Variants in RTL10 observed in about 807,000 individuals in gnomAD.
The protein encoded by RTL10 is retrotransposon Gag like 10.
For synonymous variants in RTL10, 199 were observed against 188.4 expected, an observed-to-expected ratio of 1.06 and a Z score of -0.46; for missense variants, 477 against 470.7, an observed-to-expected ratio of 1.01 and a Z score of -0.12.
chr22:19,850,306 CCT>C lies in RTL10; in HGVS notation c.*859_*860del. 1.0e-6 allele frequency: 1 copy of C among 982,068 alleles called. No homozygotes were observed. The highest frequency in any genetic ancestry group is 1.2e-6 in the Non-Finnish European group (1 of 826,774). 60.8% of individuals were successfully genotyped at this position (982,068 alleles called of 1,614,324 possible). A position where few individuals can be genotyped will look rare whatever the true frequency, so the allele number is the denominator to read the frequency against. ...CCACAGAGCTGACTAAGACAGAGCC[CCT>C]GTGCTGAGGGTCACAGTCTGCCAGG... On this transcript the variant is annotated 3_prime_UTR_variant, in exon 3 of 3. Transcript: ENST00000328554.
Position 19,849,366 on chromosome 22 carries a change from T to G in RTL10, c.*1801A>C. Reference sequence around the variant, plus strand: ...ATTTTTCTAAATAAGGTTTTTGTTTTTTGTTGTTTTTTTTTTTTTGGGATG... The same window carrying G: ...ATTTTTCTAAATAAGGTTTTTGTTTGTTGTTGTTTTTTTTTTTTTGGGATG... On this transcript the variant is annotated 3_prime_UTR_variant, in exon 3 of 3. Transcript: ENST00000328554. The G allele has an allele frequency of 1.1e-6, 1 of 923,654 alleles. No homozygotes were observed. The highest frequency in any genetic ancestry group is 1.3e-6 in the Non-Finnish European group (1 of 777,608). 57.2% of individuals were successfully genotyped at this position (923,654 alleles called of 1,614,324 possible).
At position 19,847,735 on chromosome 22, in the gene RTL10, A is replaced by C. The variant is rs1197756215; in HGVS notation, c.*3432T>G. On this transcript the variant is annotated 3_prime_UTR_variant, in exon 3 of 3. Coordinates refer to ENST00000328554, the MANE Select transcript of RTL10 (RefSeq NM_024627.6). The stretch of plus-strand genomic sequence containing the variant: ...ATTGTGTATTCCCACCAACAGTATG[A>C]GAAGGTCCACTTCTCCATACCTCCA... 1 of 980,518 alleles carries C rather than the reference A, an allele frequency of 1.0e-6. No individual in the cohort carries two copies. The highest frequency in any genetic ancestry group is 4.7e-5 in the South Asian group (1 of 21,142). 60.7% of individuals were successfully genotyped at this position (980,518 alleles called of 1,614,324 possible).
chr22:19,847,316 G>A lies in RTL10; in HGVS notation c.*3851C>T, dbSNP rs1419579885. On this transcript the variant is annotated 3_prime_UTR_variant, in exon 3 of 3. Transcript: ENST00000328554. ...GTTACTGCAGCACAATCTGGCTCAT[G>A]CTGACTGATCCTGCAGGGTAACAGC... 10 of 985,194 alleles carry A rather than the reference G, an allele frequency of 1.0e-5. No homozygotes were observed. Among genetic ancestry groups the A allele is most frequent in the Non-Finnish European group, 1.2e-5 (10 of 829,798 alleles). The allele number at this position is 985,194 out of a possible 1,614,324, so 61.0% of individuals were successfully genotyped here.
chr22:19,849,765 C>T lies in RTL10; in HGVS notation c.*1402G>A, dbSNP rs2145904807. The T allele has an allele frequency of 1.0e-6, 1 of 985,378 alleles. No individual in the cohort carries two copies. Among genetic ancestry groups the T allele is most frequent in the South Asian group, 4.7e-5 (1 of 21,286 alleles). The allele number at this position is 985,378 out of a possible 1,614,324, so 61.0% of individuals were successfully genotyped here. A position where few individuals can be genotyped will look rare whatever the true frequency, so the allele number is the denominator to read the frequency against. Reference sequence around the variant, plus strand: ...CATTTCTGCTTTTTCTTCCTACTTTCCAGGAAGGTGTTGTTTTGTTGTTTT... The same window carrying T: ...CATTTCTGCTTTTTCTTCCTACTTTTCAGGAAGGTGTTGTTTTGTTGTTTT... On this transcript the variant is annotated 3_prime_UTR_variant, in exon 3 of 3. Coordinates refer to ENST00000328554, the MANE Select transcript of RTL10 (RefSeq NM_024627.6).
rs34331843 is a variant in RTL10 at position 19,847,804 on chromosome 22, CAAA to C, written c.*3360_*3362del. On this transcript the variant is annotated 3_prime_UTR_variant, in exon 3 of 3. Coordinates refer to ENST00000328554, the MANE Select transcript of RTL10 (RefSeq NM_024627.6). The stretch of plus-strand genomic sequence containing the variant: ...ACTTTTAAAATCCTGGAATCATAGG[CAAA>C]AAAAAAAAAAAAAAAAAATTCACCC... The C allele has an allele frequency of 8.8e-3, 5,307 of 601,766 alleles. No individual in the cohort carries two copies. The highest frequency in any genetic ancestry group is 9.4e-3 in the Non-Finnish European group (4,815 of 510,150). The allele number at this position is 601,766 out of a possible 1,614,324, so 37.3% of individuals were successfully genotyped here. A position where few individuals can be genotyped will look rare whatever the true frequency, so the allele number is the denominator to read the frequency against.
At chr22:19,853,230 C>G (rs566830169) in intron 2 of RTL10, among the ~76,000 whole-genome samples, 23 of 151,822 alleles carry the variant, frequency 1.5e-4, no homozygotes, top group African/African-American at 5.6e-4. Context: ...TCCCAGCCCC[C>G]ACCATTGTAA....
chr22:19,848,387 A>G lies in RTL10; in HGVS notation c.*2780T>C, dbSNP rs1400766394. The G allele has an allele frequency of 2.0e-6, 2 of 985,310 alleles. No individual in the cohort carries two copies. The highest frequency in any genetic ancestry group is 1.2e-4 in the Admixed American group (2 of 16,254). The allele number at this position is 985,310 out of a possible 1,614,324, so 61.0% of individuals were successfully genotyped here. A position where few individuals can be genotyped will look rare whatever the true frequency, so the allele number is the denominator to read the frequency against. On this transcript the variant is annotated 3_prime_UTR_variant, in exon 3 of 3. Transcript: ENST00000328554. ...GGGGGCCAGAAGAGAAAAACAACCC[A>G]GGGGGAATGCCTCCTTCCCCCAGCA...
chr22:19,848,519 A>G lies in RTL10; in HGVS notation c.*2648T>C. On this transcript the variant is annotated 3_prime_UTR_variant, in exon 3 of 3. Transcript: ENST00000328554. ...CACTGCCTGTCTGGAAGGCCATGCCAGAGTCCATCGTTGCCTCCACCCTAC... is the reference window on the plus strand; with the variant it reads ...CACTGCCTGTCTGGAAGGCCATGCCGGAGTCCATCGTTGCCTCCACCCTAC... The G allele has an allele frequency of 1.0e-6, 1 of 985,532 alleles. No homozygotes were observed. The highest frequency in any genetic ancestry group is 1.7e-5 in the African/African-American group (1 of 57,380). The allele number at this position is 985,532 out of a possible 1,614,324, so 61.0% of individuals were successfully genotyped here.
At chr22:19,852,950 T>C (rs1323260833) in intron 2 of RTL10, among the ~76,000 whole-genome samples, 1 of 152,114 alleles carries the variant, frequency 6.6e-6, no homozygotes, top group Non-Finnish European at 1.5e-5. Flanking sequence ...TAAACTACAT[T>C]TGTCTGCTGA....
chr22:19,850,573 G>A lies in RTL10; in HGVS notation c.*594C>T, dbSNP rs183411752. The A allele has an allele frequency of 8.7e-7, 1 of 1,150,378 alleles. No homozygotes were observed. The highest frequency in any genetic ancestry group is 4.8e-5 in the Admixed American group (1 of 21,034). The allele number at this position is 1,150,378 out of a possible 1,614,324, so 71.3% of individuals were successfully genotyped here. A position where few individuals can be genotyped will look rare whatever the true frequency, so the allele number is the denominator to read the frequency against. On this transcript the variant is annotated 3_prime_UTR_variant, in exon 3 of 3. Coordinates refer to ENST00000328554, the MANE Select transcript of RTL10 (RefSeq NM_024627.6). The stretch of plus-strand genomic sequence containing the variant: ...ACCTTCCAGCTGCCCAGAACTGCTG[G>A]TAATCCCACAGGAAACATCATTCTT...
chr22:19,852,872 T>C (rs1001336689), intron 2 of RTL10, among the ~76,000 whole-genome samples: 6 of 152,058 alleles, frequency 3.9e-5, no homozygotes, highest in African/African-American at 1.5e-4. Flanking sequence ...CACTAACCCA[T>C]AAGTGGTGGA....
At position 19,846,590 on chromosome 22, in the gene RTL10, T is replaced by A. The variant is rs1569055912; in HGVS notation, c.*4577A>T. The A allele has an allele frequency of 1.0e-6, 1 of 981,768 alleles. No homozygotes were observed. Among genetic ancestry groups the A allele is most frequent in the South Asian group, 4.7e-5 (1 of 21,224 alleles). The allele number at this position is 981,768 out of a possible 1,614,324, so 60.8% of individuals were successfully genotyped here. On this transcript the variant is annotated 3_prime_UTR_variant, in exon 3 of 3. Transcript: ENST00000328554. ...GGGCACCGCTGTGGGCAGAACTATGTCCCTTCAATATTTTTATGTTCAAGT... is the reference window on the plus strand; with the variant it reads ...GGGCACCGCTGTGGGCAGAACTATGACCCTTCAATATTTTTATGTTCAAGT...
chr22:19,848,661 A>G lies in RTL10; in HGVS notation c.*2506T>C, dbSNP rs915163292. 1.0e-6 allele frequency: 1 copy of G among 985,378 alleles called. No individual in the cohort carries two copies. Among genetic ancestry groups the G allele is most frequent in the Non-Finnish European group, 1.2e-6 (1 of 829,996 alleles). 61.0% of individuals were successfully genotyped at this position (985,378 alleles called of 1,614,324 possible). On this transcript the variant is annotated 3_prime_UTR_variant, in exon 3 of 3. Coordinates refer to ENST00000328554, the MANE Select transcript of RTL10 (RefSeq NM_024627.6). ...AAAACCAGGTCACCTGGACTCTCCCAAGGACTCTCAAGCCTGCCTAGGTGG... is the reference window on the plus strand; with the variant it reads ...AAAACCAGGTCACCTGGACTCTCCCGAGGACTCTCAAGCCTGCCTAGGTGG...
rs1938088909 is a variant in RTL10 at position 19,851,260 on chromosome 22, T to C, written c.1002A>G (p.Thr334=). 26 of 1,609,850 alleles carry C rather than the reference T, an allele frequency of 1.6e-5. No individual in the cohort carries two copies. The highest frequency in any genetic ancestry group is 2.2e-5 in the Non-Finnish European group (26 of 1,177,962). ...CTAAGGACACCTCCTGGTCTCCCTC[T>C]GTCTCCAAAACCTCCTCCTCTGTTT... ...PQKTEEEVLE[T]EGDQEVSLGT... The change falls in exon 3 of 3, where the codon ACA becomes ACG. Residue 334 remains threonine (T), a synonymous_variant. Transcript: ENST00000328554.
chr22:19,853,285 C>G (rs1449645163), intron 2 of RTL10, among the ~76,000 whole-genome samples: 1 of 152,168 alleles, frequency 6.6e-6, no homozygotes, highest in Non-Finnish European at 1.5e-5. Flanking sequence ...ACTCCAGTCA[C>G]TTGTGCCCAG....
chr22:19,848,009 C>A lies in RTL10; in HGVS notation c.*3158G>T, dbSNP rs1395579567. ...AACACCTCTAGCCTGTACTAAATTTCCATATTTATTTGGCCCGTTTCAAAG... is the reference window on the plus strand; with the variant it reads ...AACACCTCTAGCCTGTACTAAATTTACATATTTATTTGGCCCGTTTCAAAG... On this transcript the variant is annotated 3_prime_UTR_variant, in exon 3 of 3. Transcript: ENST00000328554. 1 of 985,250 alleles carries A rather than the reference C, an allele frequency of 1.0e-6. No homozygotes were observed. Among genetic ancestry groups the A allele is most frequent in the African/African-American group, 1.7e-5 (1 of 57,354 alleles). The allele number at this position is 985,250 out of a possible 1,614,324, so 61.0% of individuals were successfully genotyped here.
At position 19,850,394 on chromosome 22, in the gene RTL10, T is replaced by C; in HGVS notation, c.*773A>G. ...GTGCTGAATCCGCAATGCATGCGAG[T>C]GCGGAGTGAGCAGGGGATGGCAGCA... On this transcript the variant is annotated 3_prime_UTR_variant, in exon 3 of 3. Coordinates refer to ENST00000328554, the MANE Select transcript of RTL10 (RefSeq NM_024627.6). 1 of 989,202 alleles carries C rather than the reference T, an allele frequency of 1.0e-6. No individual in the cohort carries two copies. Among genetic ancestry groups the C allele is most frequent in the Non-Finnish European group, 1.2e-6 (1 of 832,658 alleles). The allele number at this position is 989,202 out of a possible 1,614,324, so 61.3% of individuals were successfully genotyped here. A position where few individuals can be genotyped will look rare whatever the true frequency, so the allele number is the denominator to read the frequency against.
Position 19,848,985 on chromosome 22 carries a change from T to A in RTL10, c.*2182A>T. The A allele has an allele frequency of 2.0e-6, 2 of 985,452 alleles. No homozygotes were observed. Among genetic ancestry groups the A allele is most frequent in the Non-Finnish European group, 2.4e-6 (2 of 830,020 alleles). The allele number at this position is 985,452 out of a possible 1,614,324, so 61.0% of individuals were successfully genotyped here. A position where few individuals can be genotyped will look rare whatever the true frequency, so the allele number is the denominator to read the frequency against. On this transcript the variant is annotated 3_prime_UTR_variant, in exon 3 of 3. Coordinates refer to ENST00000328554, the MANE Select transcript of RTL10 (RefSeq NM_024627.6). ...ACAGGTGAGCCAGGCCACAGTGCAC[T>A]GGAGGTAGGCATCAGGGAGCAGTCT...
In RTL10 at chr22:19,851,244, CCTCCTGGTCTCCCTCTGT is replaced by C; in HGVS notation, c.1000_1017del (p.Thr334_Glu339del). ...ACCTCCTGTGGGGTACCTAAGGACA[CCTCCTGGTCTCCCTCTGT>C]CTCCAAAACCTCCTCCTCTGTTTTC... On this transcript the variant is annotated inframe_deletion, in exon 3 of 3. Transcript: ENST00000328554. 1 of 1,605,152 alleles carries C rather than the reference CCTCCTGGTCTCCCTCTGT, an allele frequency of 6.2e-7. No individual in the cohort carries two copies. The highest frequency in any genetic ancestry group is 8.5e-7 in the Non-Finnish European group (1 of 1,175,454).
Sources: allele counts gnomAD v4.1 joint callset (sites outside exome capture counted in the v4.1 genomes callset), GRCh38; gene constraint gnomAD v4.1.1; transcripts MANE v1.5; gene names NCBI Gene and HGNC (gene_info 2026-07-23, HGNC 2026-07-21).